FAM53A: variants seen among roughly 807,000 people sequenced by gnomAD.
FAM53A encodes protein FAM53A.
FAM53A carries 28 observed loss-of-function variants against 26.6 expected under a neutral mutation model. That is an observed-to-expected ratio of 1.05 (90% CI 0.78 to 1.45). The LOEUF (loss-of-function observed/expected upper bound fraction) is 1.45, where lower values mean the gene tolerates loss of function less well. FAM53A is among the 40% of genes most tolerant of loss of function. FAM53A has a pLI of 0.00. For synonymous variants in FAM53A, 290 were observed against 253.1 expected, an observed-to-expected ratio of 1.15 and a Z score of -1.38; for missense variants, 650 against 575.8, an observed-to-expected ratio of 1.13 and a Z score of -1.32.
At chr4:1,606,245 C>A in the FAM53A span, among the ~76,000 whole-genome samples, 1 of 151,464 alleles carries the variant, frequency 6.6e-6, no homozygotes, top group African/African-American at 2.4e-5. Context: ...CAGGGTTTCA[C>A]CGTGTTAGCC....
At chr4:1,576,734 G>A in the FAM53A span, among the ~76,000 whole-genome samples, 172 of 152,352 alleles carry the variant, frequency 1.1e-3, no homozygotes, top group African/African-American at 3.8e-3. Context: ...TGGGGCCAGG[G>A]TCCACATTCT....
At chr4:1,577,972 G>A in the FAM53A span, among the ~76,000 whole-genome samples, 1 of 152,086 alleles carries the variant, frequency 6.6e-6, no homozygotes, top group African/African-American at 2.4e-5. Context: ...GCCCGGGGAT[G>A]CTCTGGGGGT....
At chr4:1,682,506 C>T (rs1280746906) in intron 1 of FAM53A, among the ~76,000 whole-genome samples, 1 of 152,186 alleles carries the variant, frequency 6.6e-6, no homozygotes, top group East Asian at 1.9e-4. Context: ...CGTGATCTGC[C>T]CGCCTCGGCC....
chr4:1,623,106 T>C (rs1284669078), intron 1 of FAM53A, among the ~76,000 whole-genome samples: 1 of 152,196 alleles, frequency 6.6e-6, no homozygotes, highest in East Asian at 1.9e-4. Flanking sequence ...CAGCCCGGCA[T>C]GCGGTCCCCC....
chr4:1,579,581 G>A, the FAM53A span, among the ~76,000 whole-genome samples: 1 of 152,194 alleles, frequency 6.6e-6, no homozygotes, highest in Non-Finnish European at 1.5e-5. Flanking sequence ...AGGGCGGATG[G>A]CCCGACCTCT....
intron 2 of FAM53A, among the ~76,000 whole-genome samples, chr4:1,663,063 G>A (rs944414717): frequency 1.3e-5 from 2 of 152,038 alleles, no homozygotes; most frequent in Admixed American, 1.3e-4. Flanking sequence ...GCTGGGAGTG[G>A]TGGCATGCGC....
chr4:1,629,316 C>T (rs1039771703), intron 1 of FAM53A, among the ~76,000 whole-genome samples: 5 of 152,194 alleles, frequency 3.3e-5, no homozygotes, highest in African/African-American at 7.2e-5. Context: ...TGCCACCCAG[C>T]GGCCTCCAGG....
the FAM53A span, among the ~76,000 whole-genome samples, chr4:1,610,270 C>A: frequency 6.6e-6 from 1 of 152,068 alleles, no homozygotes; most frequent in African/African-American, 2.4e-5. Flanking sequence ...TTCTCCTCCC[C>A]TGGCCCCCAG....
chr4:1,637,065 G>A (rs943637410), downstream of FAM53A, among the ~76,000 whole-genome samples: 10 of 152,146 alleles, frequency 6.6e-5, no homozygotes, highest in Non-Finnish European at 1.2e-4. Flanking sequence ...CCTGGTGAGG[G>A]CTGCCTGGTG....
chr4:1,637,358 C>T (rs563189178), downstream of FAM53A, among the ~76,000 whole-genome samples: 3 of 152,306 alleles, frequency 2.0e-5, no homozygotes, highest in East Asian at 5.8e-4. Context: ...TCCCCACCTC[C>T]CCGGGTCTTC....
At chr4:1,637,757 G>A (rs1249109965), downstream of FAM53A, among the ~76,000 whole-genome samples, 1 of 152,226 alleles carries the variant, frequency 6.6e-6, no homozygotes, top group Non-Finnish European at 1.5e-5. Flanking sequence ...GGCCCCCAGC[G>A]CAGGAAGGGA....
chr4:1,585,964 T>G, the FAM53A span, among the ~76,000 whole-genome samples: 2 of 152,094 alleles, frequency 1.3e-5, no homozygotes, highest in African/African-American at 4.8e-5. Context: ...TTTGAACTCC[T>G]GGGATCAAGC....
At chr4:1,608,131 C>CA in the FAM53A span, among the ~76,000 whole-genome samples, 16 of 151,980 alleles carry the variant, frequency 1.1e-4, no homozygotes, top group Non-Finnish European at 2.4e-4. Flanking sequence ...AAAACAAAAA[C>CA]AAAAAAATCA....
chr4:1,683,312 G>C (rs2109092467), intron 1 of FAM53A: 1 of 152,360 alleles, frequency 6.6e-6, no homozygotes, highest in African/African-American at 2.4e-5. Flanking sequence ...TCTGATGAGG[G>C]AGAAGGTCAG....
At chr4:1,632,356 A>T (rs975771006) in intron 1 of FAM53A, among the ~76,000 whole-genome samples, 7 of 151,984 alleles carry the variant, frequency 4.6e-5, no homozygotes, top group African/African-American at 1.7e-4. Flanking sequence ...CCGCCTTTGA[A>T]CCACAGAGCG....
chr4:1,675,062 G>A (rs34106809), intron 1 of FAM53A, among the ~76,000 whole-genome samples: 11,071 of 152,276 alleles, frequency 0.073, 588 homozygotes, highest in Admixed American at 0.17. Flanking sequence ...TTCGAGGGGC[G>A]ATCAGAGAGG....
Position 1,640,634 on chromosome 4 carries a change from GGCAGGTGCC to G in FAM53A, c.*650_*658del. 2.6e-6 allele frequency: 1 copy of G among 379,036 alleles called. No individual in the cohort carries two copies. The highest frequency in any genetic ancestry group is 2.2e-5 in the African/African-American group (1 of 44,810). The allele number at this position is 379,036 out of a possible 1,614,324, so 23.5% of individuals were successfully genotyped here. On this transcript the variant is annotated 3_prime_UTR_variant, in exon 5 of 5. Coordinates refer to ENST00000308132, the MANE Select transcript of FAM53A (RefSeq NM_001174070.3). Reference sequence around the variant, plus strand: ...ACACGAAACCTACTCTGTGCCCCAGGGCAGGTGCCGGCAGCAGCCATGGCCCCGACCAGC... The same window carrying G: ...ACACGAAACCTACTCTGTGCCCCAGGGGCAGCAGCCATGGCCCCGACCAGC...
At chr4:1,589,394 T>A in the FAM53A span, among the ~76,000 whole-genome samples, 5 of 152,294 alleles carry the variant, frequency 3.3e-5, no homozygotes, top group Non-Finnish European at 7.4e-5. Context: ...TATTTATAAT[T>A]TTTTTATTGA....
chr4:1,626,111 TG>T (rs1349094688), intron 1 of FAM53A, among the ~76,000 whole-genome samples: 1 of 152,188 alleles, frequency 6.6e-6, no homozygotes, highest in Admixed American at 6.5e-5. Flanking sequence ...GCCTTGTTCC[TG>T]TCTCCATCTG....
Sources: gnomAD v4.1 joint callset for allele counts (sites outside exome capture counted in the v4.1 genomes callset) on GRCh38, gnomAD v4.1.1 for gene constraint, MANE v1.5 for transcripts, NCBI Gene and HGNC (gene_info 2026-07-23, HGNC 2026-07-21) for gene names.